Variants in RTF2 observed in about 807,000 individuals in gnomAD.
RTF2 encodes the protein UPF0549 protein C20orf43.
A neutral mutation model predicts 38.0 loss-of-function variants in RTF2; 18 were observed. The observed-to-expected ratio is 0.47, with a 90% CI of 0.33 to 0.70. RTF2 has a LOEUF of 0.70. Among genes scored for constraint, RTF2 ranks in the 30% least tolerant of loss-of-function variants. The pLI, the probability that RTF2 is intolerant of heterozygous loss-of-function variation, is 0.02. For synonymous variants in RTF2, 126 were observed against 137.1 expected (o/e 0.92, Z 0.57); for missense variants, 311 against 379.6 (o/e 0.82, Z 1.50).
At position 56,518,164 on chromosome 20, in the gene RTF2, G is replaced by C. The variant is rs1316538931; in HGVS notation, c.820G>C (p.Glu274Gln). The change falls in exon 9 of 9, where the codon GAA becomes CAA. Residue 274 changes from glutamate (E) to glutamine (Q), a missense_variant. Physicochemically the swap from Glu to Gln is conservative, Grantham distance 29. Coordinates refer to ENST00000357348, the MANE Select transcript of RTF2 (RefSeq NM_016407.5). ...AAAGAGGTCCATCGCTGACAGTGAA[G>C]AATCGGAGGCCTACAAGTCCCTCTT... ...ATKRSIADSE[E>Q]SEAYKSLFTT... The C allele has an allele frequency of 6.2e-7, 1 of 1,614,084 alleles. No individual in the cohort carries two copies. Among genetic ancestry groups the C allele is most frequent in the African/African-American group, 1.3e-5 (1 of 74,950 alleles).
chr20:56,497,082 G>A, intron 5 of RTF2: 1 of 1,551,714 alleles, frequency 6.4e-7, no homozygotes, highest in Non-Finnish European at 8.7e-7. Flanking sequence ...TGTAAAGCCA[G>A]CATAAGCCAC....
intron 4 of RTF2, among the ~76,000 whole-genome samples, chr20:56,478,148 T>C (rs981099111): frequency 1.3e-5 from 2 of 152,176 alleles, no homozygotes; most frequent in African/African-American, 4.8e-5. Flanking sequence ...AAAACAAATA[T>C]TACTGGAAAG....
intron 3 of RTF2, among the ~76,000 whole-genome samples, chr20:56,476,502 CTTTTTT>C (rs11472534): frequency 1.1e-4 from 16 of 142,294 alleles, no homozygotes; most frequent in Non-Finnish European, 2.1e-4. Context: ...TTTCTGTTTT[CTTTTTT>C]TTTTTTTTGA....
intron 5 of RTF2, chr20:56,497,352 C>G (rs772288766): frequency 1.4e-5 from 22 of 1,550,474 alleles, no homozygotes; most frequent in Non-Finnish European, 1.9e-5. Flanking sequence ...GGAGCAGTTT[C>G]CTGGTGTGTG....
chr20:56,487,244 G>A (rs1982843748), intron 5 of RTF2, among the ~76,000 whole-genome samples: 1 of 152,202 alleles, frequency 6.6e-6, no homozygotes, highest in African/African-American at 2.4e-5. Context: ...TGATTCTGTT[G>A]CATGGAAATA....
intron 5 of RTF2, chr20:56,495,110 TC>T (rs1983427984): frequency 2.3e-6 from 2 of 855,304 alleles, no homozygotes; most frequent in Admixed American, 4.4e-5. Flanking sequence ...TTAAACATGA[TC>T]CTCCGTCTTG....
chr20:56,500,039 A>G (rs571495428), intron 5 of RTF2, among the ~76,000 whole-genome samples: 6 of 148,522 alleles, frequency 4.0e-5, no homozygotes, highest in Middle Eastern at 3.7e-3. Flanking sequence ...CGCCCGGCCT[A>G]TTTGTTTTTT....
chr20:56,477,885 G>T (rs1982338508), intron 4 of RTF2, among the ~76,000 whole-genome samples: 1 of 152,216 alleles, frequency 6.6e-6, no homozygotes, highest in African/African-American at 2.4e-5. Flanking sequence ...CAAAAACATG[G>T]TAATTTGCCT....
In RTF2 at chr20:56,473,329, A is replaced by G. The variant is rs777713228; in HGVS notation, c.98A>G (p.Gln33Arg). Reference protein sequence around the residue: ...KVDKDAELVAQWNYCTLSQEI... With the variant: ...KVDKDAELVARWNYCTLSQEI... ...GACAAAGATGCTGAATTAGTGGCCC[A>G]ATGGAACTATTGTACTCTAAGTCAG... Residue 33 changes from glutamine to arginine, a missense_variant, in exon 2 of 9, where the codon CAA (glutamine) becomes CGA (arginine). By Grantham distance (43) the Gln-to-Arg change is conservative. Coordinates refer to ENST00000357348, the MANE Select transcript of RTF2 (RefSeq NM_016407.5). 1.1e-5 allele frequency: 17 copies of G among 1,613,720 alleles called. No homozygotes were observed. Among genetic ancestry groups the G allele is most frequent in the Non-Finnish European group, 1.4e-5 (16 of 1,179,804 alleles).
chr20:56,468,693 C>T lies in RTF2; in HGVS notation c.-5C>T, dbSNP rs1056146853. On this transcript the variant is annotated 5_prime_UTR_variant, in exon 1 of 9. Coordinates refer to ENST00000357348, the MANE Select transcript of RTF2 (RefSeq NM_016407.5). ...TTTGCTGCTGGCTCTGACTCCCGTC[C>T]TGCGATGGGTTGCGACGGGGGAACA... is the stretch of plus-strand genomic sequence containing the variant. 1.9e-6 allele frequency: 3 copies of T among 1,576,034 alleles called. No individual in the cohort carries two copies. The Admixed American group carries it at 5.6e-5, about 29-fold the overall frequency.
Position 56,488,361 on chromosome 20 carries a change from A to T in RTF2, c.477+4172A>T, listed in dbSNP as rs76214451. ...GGGCGACAGAGCTAGACTCTGTCTCAAAAAAAAAAAGTGCCAATGTAGAGT... is the reference window on the plus strand; with the variant it reads ...GGGCGACAGAGCTAGACTCTGTCTCTAAAAAAAAAAGTGCCAATGTAGAGT... On this transcript the variant is annotated intron_variant, in intron 5 of 8. Transcript: ENST00000357348. Among the ~76,000 whole-genome samples the T allele has an allele frequency of 2.7e-5, 4 of 147,538 alleles. No homozygotes were observed. In the South Asian group the frequency reaches 8.6e-4, roughly 32 times the overall value.
intron 6 of RTF2, among the ~76,000 whole-genome samples, chr20:56,515,203 T>C (rs892942823): frequency 2.6e-4 from 40 of 152,328 alleles, no homozygotes; most frequent in African/African-American, 9.1e-4. Context: ...TTGAGGTCTT[T>C]TTAACTAAGG....
chr20:56,511,972 A>G (rs1984701701), intron 5 of RTF2, among the ~76,000 whole-genome samples: 2 of 152,198 alleles, frequency 1.3e-5, no homozygotes, highest in South Asian at 4.2e-4. Context: ...AGCTGGGACT[A>G]CAGGCATGTA....
intron 5 of RTF2, among the ~76,000 whole-genome samples, chr20:56,489,922 G>A (rs1983013387): frequency 6.6e-6 from 1 of 152,246 alleles, no homozygotes; most frequent in South Asian, 2.1e-4. Context: ...GGGGCGCCGT[G>A]TTTGCCTGTA....
chr20:56,468,644 TC>T lies in RTF2; in HGVS notation c.-51del. 6.6e-7 allele frequency: 1 copy of T among 1,506,538 alleles called. No homozygotes were observed. Among genetic ancestry groups the T allele is most frequent in the South Asian group, 1.2e-5 (1 of 83,108 alleles). 93.3% of individuals were successfully genotyped at this position (1,506,538 alleles called of 1,614,324 possible). A position where few individuals can be genotyped will look rare whatever the true frequency, so the allele number is the denominator to read the frequency against. ...AAGTGGCTGCGGATTTCGCCGGAAATCCCGGAAGTGACAGCTTTGGGGGTTT... is the reference window on the plus strand; with the variant it reads ...AAGTGGCTGCGGATTTCGCCGGAAATCCGGAAGTGACAGCTTTGGGGGTTT... On this transcript the variant is annotated 5_prime_UTR_variant, in exon 1 of 9. Transcript: ENST00000357348.
intron 5 of RTF2, among the ~76,000 whole-genome samples, chr20:56,507,122 G>GA (rs1402259426): frequency 6.6e-6 from 1 of 152,168 alleles, no homozygotes; most frequent in Admixed American, 6.5e-5. Flanking sequence ...CAGTACTCAA[G>GA]AAAAATGCAT....
intron 5 of RTF2, chr20:56,497,440 A>G (rs759857878): frequency 7.8e-6 from 12 of 1,538,810 alleles, no homozygotes; most frequent in African/African-American, 1.4e-5. Context: ...TTCCCTTCAA[A>G]TAAAGCGGAA....
chr20:56,471,840 T>C (rs1213095106), intron 1 of RTF2, among the ~76,000 whole-genome samples: 3 of 152,186 alleles, frequency 2.0e-5, no homozygotes, highest in Non-Finnish European at 2.9e-5. Flanking sequence ...TACTAACTCA[T>C]AGAGTTTTTC....
intron 5 of RTF2, among the ~76,000 whole-genome samples, chr20:56,485,954 A>G (rs1982773924): frequency 6.6e-6 from 1 of 152,196 alleles, no homozygotes; most frequent in African/African-American, 2.4e-5. Flanking sequence ...GTCTACTGGT[A>G]AGAAATGGCT....
Sources: gnomAD v4.1 joint callset for allele counts (sites outside exome capture counted in the v4.1 genomes callset) on GRCh38, gnomAD v4.1.1 for gene constraint, MANE v1.5 for transcripts, NCBI Gene and HGNC (gene_info 2026-07-23, HGNC 2026-07-21) for gene names.